Variants in COLEC11 observed in about 807,000 individuals in gnomAD.
COLEC11 encodes the protein collectin subfamily member 11.
COLEC11 carries 20 observed loss-of-function variants against 27.3 expected under a neutral mutation model. That is an observed-to-expected ratio of 0.73 (90% CI 0.51 to 1.06). The LOEUF is 1.06. Among genes scored for constraint, COLEC11 ranks in the 50% least tolerant of loss-of-function variants. The probability of loss-of-function intolerance (pLI) is 0.00; values close to 1 mark genes in which losing one functional copy is unlikely to be tolerated. For missense variants in COLEC11, 310 were observed against 383.0 expected (o/e 0.81, Z 1.59); for synonymous variants, 163 against 154.7 (o/e 1.05, Z -0.40).
intron 4 of COLEC11, among the ~76,000 whole-genome samples, chr2:3,638,789 A>G (rs987633884): frequency 2.0e-5 from 3 of 152,238 alleles, no homozygotes; most frequent in Non-Finnish European, 2.9e-5. Context: ...CGTGGGCTTC[A>G]CAAACCCAAA....
chr2:3,623,241 A>G (rs1213159861), intron 3 of COLEC11, among the ~76,000 whole-genome samples: 2 of 152,054 alleles, frequency 1.3e-5, no homozygotes, highest in African/African-American at 4.8e-5. Context: ...GATTTATGGT[A>G]GTTTGATTAT....
rs547553238 is a variant in COLEC11 at position 3,644,058 on chromosome 2, C to T, written c.756C>T (p.Asn252=). The change falls in exon 7 of 7, where the codon AAC becomes AAT. Residue 252 remains asparagine (N), a synonymous_variant. Transcript: ENST00000349077. ...AGATGGTGGCCTCGGGCGGCTGGAA[C>T]GACGTGGCCTGCCACACCACCATGT... ...CVEMVASGGW[N]DVACHTTMYF... 3.0e-5 allele frequency: 49 copies of T among 1,613,616 alleles called. No homozygotes were observed. The South Asian group carries it at 3.2e-4, about 10-fold the overall frequency.
intron 1 of COLEC11, 66 bp from the exon 2 acceptor site, chr2:3,604,249 T>C (rs984098761): frequency 3.2e-6 from 5 of 1,586,774 alleles, no homozygotes. Context: ...CTCCGAGGCC[T>C]GCTCACTGTC....
In COLEC11 at chr2:3,604,311, G is replaced by T; in HGVS notation, c.-26-4G>T. On this transcript the variant is annotated splice_polypyrimidine_tract_variant and splice_region_variant and intron_variant, in intron 1 of 6. Transcript: ENST00000349077. Reference sequence around the variant, plus strand: ...CATCACTGTTTATTCCTTCCTCTGTGTAGGAGTTGGTGTCCTGCCTGCGCT... The same window carrying T: ...CATCACTGTTTATTCCTTCCTCTGTTTAGGAGTTGGTGTCCTGCCTGCGCT... The T allele has an allele frequency of 1.2e-6, 2 of 1,614,128 alleles. No homozygotes were observed. Among genetic ancestry groups the T allele is most frequent in the Non-Finnish European group, 1.7e-6 (2 of 1,179,968 alleles).
intron 3 of COLEC11, among the ~76,000 whole-genome samples, chr2:3,631,693 C>T (rs1004441257): frequency 7.9e-5 from 12 of 151,482 alleles, no homozygotes; most frequent in African/African-American, 1.2e-4. Flanking sequence ...GGCCCCTGCT[C>T]GGAGGGGGCT....
chr2:3,613,456 G>C lies in COLEC11; in HGVS notation c.202+74G>C, dbSNP rs1663397475. 3 of 1,465,824 alleles carry C rather than the reference G, an allele frequency of 2.0e-6. No individual in the cohort carries two copies. In the Admixed American group the frequency reaches 5.9e-5, roughly 29 times the overall value. 90.8% of individuals were successfully genotyped at this position (1,465,824 alleles called of 1,614,324 possible). On this transcript the variant is annotated intron_variant, in intron 3 of 6. Coordinates refer to ENST00000349077, the MANE Select transcript of COLEC11 (RefSeq NM_024027.5). ...CGCTCCTGCTAGAGCCGGGTGGGGA[G>C]GTGGGGGTGGTGGTTCCAGAGAGGA...
At chr2:3,635,084 GCCTGTCCCCCTCTCCCCTGCCTGTCCCCC>G in intron 3 of COLEC11, among the ~76,000 whole-genome samples, 1 of 34,974 alleles carries the variant, frequency 2.9e-5, no homozygotes, top group Non-Finnish European at 9.7e-5. Flanking sequence ...CCTCTCCCCT[GCCTGTCCCCCTCTCCCCTGCCTGTCCCCC>G]ATCCCCTGCC....
In COLEC11 at chr2:3,615,394, G is replaced by A. The variant is rs531338223; in HGVS notation, c.202+2012G>A. ...TGTTTAACAAAGCACATCTTGCACC[G>A]CCCTTAATCCATTTAACCCTGAGTG... On this transcript the variant is annotated intron_variant, in intron 3 of 6. Coordinates refer to ENST00000349077, the MANE Select transcript of COLEC11 (RefSeq NM_024027.5). 7.2e-5 allele frequency among the ~76,000 whole-genome samples: 11 copies of A among 152,286 alleles called. No individual in the cohort carries two copies. The South Asian group carries it at 1.5e-3, about 20-fold the overall frequency.
chr2:3,611,627 G>A (rs1279173413), intron 2 of COLEC11, among the ~76,000 whole-genome samples: 3 of 152,252 alleles, frequency 2.0e-5, no homozygotes, highest in Non-Finnish European at 4.4e-5. Flanking sequence ...AGCAGCATGT[G>A]GGTGTTGATC....
chr2:3,607,594 C>T (rs371261954), intron 2 of COLEC11, among the ~76,000 whole-genome samples: 43 of 151,610 alleles, frequency 2.8e-4, no homozygotes, highest in Non-Finnish European at 4.1e-4. Flanking sequence ...ACTATAGGCG[C>T]GCACCATCAA....
intron 3 of COLEC11, among the ~76,000 whole-genome samples, chr2:3,627,907 C>A (rs1219806288): frequency 6.6e-6 from 1 of 152,232 alleles, no homozygotes; most frequent in Non-Finnish European, 1.5e-5. Flanking sequence ...AGGGGAGGAG[C>A]ATCCCTGGGA....
chr2:3,634,104 T>C (rs1044204206), intron 3 of COLEC11, among the ~76,000 whole-genome samples: 12 of 152,212 alleles, frequency 7.9e-5, no homozygotes, highest in African/African-American at 2.2e-4. Context: ...GGGTCACGGC[T>C]TCAACAGAGG....
Position 3,613,308 on chromosome 2 carries a change from C to G in COLEC11, c.131-3C>G, listed in dbSNP as rs762314098. On this transcript the variant is annotated splice_region_variant and splice_polypyrimidine_tract_variant and intron_variant, in intron 2 of 6. Coordinates refer to ENST00000349077, the MANE Select transcript of COLEC11 (RefSeq NM_024027.5). ...TGCTAAATGGATGTGACTTCTTCCA[C>G]AGGGGATGCGGGAGAGAAGGGAGAC... is the stretch of plus-strand genomic sequence containing the variant. 10 of 1,608,942 alleles carry G rather than the reference C, an allele frequency of 6.2e-6. No homozygotes were observed. Among genetic ancestry groups the G allele is most frequent in the Non-Finnish European group, 8.5e-6 (10 of 1,177,926 alleles).
intron 1 of COLEC11, among the ~76,000 whole-genome samples, chr2:3,598,998 G>A (rs1330477429): frequency 1.3e-5 from 2 of 152,094 alleles, no homozygotes; most frequent in Non-Finnish European, 2.9e-5. Flanking sequence ...CGTGACTGAA[G>A]GAGGAAGGTG....
At chr2:3,624,836 C>T (rs1010917192) in intron 3 of COLEC11, among the ~76,000 whole-genome samples, 1 of 152,186 alleles carries the variant, frequency 6.6e-6, no homozygotes, top group African/African-American at 2.4e-5. Context: ...CCTCTTCTGC[C>T]ATCCTCCTAA....
intron 3 of COLEC11, among the ~76,000 whole-genome samples, chr2:3,636,226 G>A (rs1307208504): frequency 6.6e-6 from 1 of 152,226 alleles, no homozygotes; most frequent in African/African-American, 2.4e-5. Flanking sequence ...GGAGGCCGAG[G>A]TGGATGGATC....
At chr2:3,607,464 T>TTTTTTTTTG (rs1662820201) in intron 2 of COLEC11, among the ~76,000 whole-genome samples, 3 of 147,386 alleles carry the variant, frequency 2.0e-5, no homozygotes, top group African/African-American at 2.5e-5. Flanking sequence ...TTTTTTTTTT[T>TTTTTTTTTG]GAGATGGAGT....
intron 5 of COLEC11, chr2:3,641,360 T>C (rs1045817950): frequency 3.3e-5 from 43 of 1,302,020 alleles, no homozygotes; most frequent in Non-Finnish European, 4.3e-5. Flanking sequence ...CAGCATCCGC[T>C]CAGGGCACCT....
chr2:3,612,861 G>A lies in COLEC11; in HGVS notation c.131-450G>A, dbSNP rs187951442. Among the ~76,000 whole-genome samples, 101 of 152,232 alleles carry A rather than the reference G, an allele frequency of 6.6e-4. 1 individual carries two copies. In the East Asian group the frequency reaches 0.016, roughly 23 times the overall value. On this transcript the variant is annotated intron_variant, in intron 2 of 6. Coordinates refer to ENST00000349077, the MANE Select transcript of COLEC11 (RefSeq NM_024027.5). The stretch of plus-strand genomic sequence containing the variant: ...TGCCCTGGGGGGCTCACACTGATGG[G>A]GCCAGTGGGATGCTGACATAGTTCA...
Sources: gnomAD v4.1 joint callset for allele counts (sites outside exome capture counted in the v4.1 genomes callset) on GRCh38, gnomAD v4.1.1 for gene constraint, MANE v1.5 for transcripts, NCBI Gene and HGNC (gene_info 2026-07-23, HGNC 2026-07-21) for gene names.